The following PPP2R2B variants were observed in gnomAD, a reference collection of about 807,000 sequenced individuals.
PPP2R2B encodes protein phosphatase 2 regulatory subunit Bbeta.
PPP2R2B carries 5 observed loss-of-function variants against 46.0 expected under a neutral mutation model. The ratio of observed to expected loss-of-function variants is 0.11; its 90% CI spans 0.06 to 0.23. PPP2R2B has a LOEUF of 0.23. Among genes scored for constraint, PPP2R2B ranks in the 10% least tolerant of loss-of-function variants. PPP2R2B has a pLI of 1.00. For missense variants in PPP2R2B, 367 were observed against 575.0 expected (o/e 0.64, Z 3.70); for synonymous variants, 215 against 206.7 (o/e 1.04, Z -0.34).
intron 5 of PPP2R2B, among the ~76,000 whole-genome samples, chr5:146,676,387 G>A (rs1376830378): frequency 6.6e-6 from 1 of 151,994 alleles, no homozygotes; most frequent in Non-Finnish European, 1.5e-5. Context: ...CATCTTACTG[G>A]TACCACACAT....
At chr5:146,819,464 C>T (rs902571778) in intron 2 of PPP2R2B, among the ~76,000 whole-genome samples, 1 of 152,164 alleles carries the variant, frequency 6.6e-6, no homozygotes, top group African/African-American at 2.4e-5. Flanking sequence ...TACAACATGG[C>T]ACCTCTCTTT....
intron 2 of PPP2R2B, among the ~76,000 whole-genome samples, chr5:146,724,359 A>G (rs1751712003): frequency 6.6e-6 from 1 of 151,764 alleles, no homozygotes; most frequent in Admixed American, 6.6e-5. Flanking sequence ...CATTTATTTT[A>G]TTAGTGAGCT....
chr5:146,759,225 C>T (rs115150472), intron 2 of PPP2R2B, among the ~76,000 whole-genome samples: 1,525 of 152,254 alleles, frequency 0.01, 5 homozygotes, highest in Non-Finnish European at 0.015. Context: ...GGCTTAAGAA[C>T]CACCAGACTA....
chr5:146,602,765 C>A (rs1038385833), intron 7 of PPP2R2B, among the ~76,000 whole-genome samples: 26 of 152,150 alleles, frequency 1.7e-4, no homozygotes, highest in African/African-American at 6.3e-4. Flanking sequence ...TTAAAAAAAT[C>A]ATTGAAACAG....
rs576063387 is a variant in PPP2R2B, at chr5:147,002,877, G to T, written c.79+52788C>A. Among the ~76,000 whole-genome samples the T allele has an allele frequency of 7.9e-5, 12 of 152,230 alleles. No homozygotes were observed. The South Asian group carries it at 2.5e-3, about 32-fold the overall frequency. On this transcript the variant is annotated intron_variant, in intron 1 of 8. Coordinates refer to the PPP2R2B transcript ENST00000336640. Reference sequence around the variant, plus strand: ...AAACTGCAGGTGGTTTTGTCTTTCAGATGGGAAACACTCAGGTATCAACAG... The same window carrying T: ...AAACTGCAGGTGGTTTTGTCTTTCATATGGGAAACACTCAGGTATCAACAG...
intron 2 of PPP2R2B, among the ~76,000 whole-genome samples, chr5:146,836,498 A>ACC (rs1759290102): frequency 1.3e-5 from 2 of 152,276 alleles, no homozygotes; most frequent in South Asian, 4.1e-4. Flanking sequence ...AGTTGAGCTG[A>ACC]CCCGGCTCAG....
chr5:147,064,944 C>G (rs1757376936), intron 2 of PPP2R2B, among the ~76,000 whole-genome samples: 1 of 152,152 alleles, frequency 6.6e-6, no homozygotes, highest in South Asian at 2.1e-4. Flanking sequence ...GTTTTTCTTG[C>G]TGATTGGAAA....
At chr5:146,828,068 A>G (rs1758690969) in intron 2 of PPP2R2B, among the ~76,000 whole-genome samples, 1 of 152,048 alleles carries the variant, frequency 6.6e-6, no homozygotes, top group Non-Finnish European at 1.5e-5. Context: ...GCTTTCTTTC[A>G]TGGTGGCGTC....
chr5:146,990,259 C>T (rs1374045545), intron 1 of PPP2R2B, among the ~76,000 whole-genome samples: 1 of 151,682 alleles, frequency 6.6e-6, no homozygotes, highest in Non-Finnish European at 1.5e-5. Flanking sequence ...GTGCAAAAGA[C>T]CCTGAATTAC....
chr5:147,054,638 G>A (rs1561602718), intron 1 of PPP2R2B: 4 of 456,104 alleles, frequency 8.8e-6, no homozygotes, highest in Non-Finnish European at 8.8e-6. Context: ...TAAACACACA[G>A]CCCCCAGTCT....
intron 1 of PPP2R2B, among the ~76,000 whole-genome samples, chr5:147,028,709 A>T (rs1464979457): frequency 1.3e-5 from 2 of 152,210 alleles, no homozygotes; most frequent in East Asian, 3.8e-4. Flanking sequence ...TTAGTAGAAC[A>T]GTTGGATTTA....
intron 1 of PPP2R2B, among the ~76,000 whole-genome samples, chr5:146,943,876 C>T (rs549819136): frequency 1.3e-5 from 2 of 152,306 alleles, no homozygotes; most frequent in South Asian, 4.1e-4. Context: ...CACTTGCTCC[C>T]AAAATACGCC....
chr5:146,856,471 G>A lies in PPP2R2B; in HGVS notation c.70+21531C>T, dbSNP rs1437651898. 8 of 1,486,332 alleles carry A rather than the reference G, an allele frequency of 5.4e-6. No homozygotes were observed. In the South Asian group the frequency reaches 9.0e-5, roughly 17 times the overall value. The allele number at this position is 1,486,332 out of a possible 1,614,324, so 92.1% of individuals were successfully genotyped here. On this transcript the variant is annotated intron_variant, in intron 2 of 9. Coordinates refer to ENST00000394411, the MANE Select transcript of PPP2R2B (RefSeq NM_181675.4). ...TTCTATACTGCTACTTTATCAAGAAGAGTAGGTATAAATAATAATACGAAT... is the reference window on the plus strand; with the variant it reads ...TTCTATACTGCTACTTTATCAAGAAAAGTAGGTATAAATAATAATACGAAT...
intron 1 of PPP2R2B, among the ~76,000 whole-genome samples, chr5:146,933,241 AT>A (rs889924379): frequency 3.5e-4 from 53 of 152,036 alleles, no homozygotes; most frequent in Admixed American, 3.3e-3. Flanking sequence ...ATTTCCTAAG[AT>A]TTTTTTTCAA....
intron 5 of PPP2R2B, among the ~76,000 whole-genome samples, chr5:146,683,801 A>G (rs898002259): frequency 6.6e-6 from 1 of 152,210 alleles, no homozygotes; most frequent in African/African-American, 2.4e-5. Flanking sequence ...ACCCCATGAC[A>G]CTGACAGATA....
chr5:146,781,953 T>C (rs1023365470), intron 2 of PPP2R2B, among the ~76,000 whole-genome samples: 2 of 152,166 alleles, frequency 1.3e-5, no homozygotes, highest in African/African-American at 4.8e-5. Flanking sequence ...GATAGGATCA[T>C]GGGGGCAGTT....
chr5:146,927,554 A>T (rs1489017162), intron 1 of PPP2R2B, among the ~76,000 whole-genome samples: 1 of 152,072 alleles, frequency 6.6e-6, no homozygotes, highest in Admixed American at 6.5e-5. Context: ...GCAGGCAAGG[A>T]GTGGTGGATA....
At chr5:146,931,210 G>C (rs1763959480) in intron 1 of PPP2R2B, among the ~76,000 whole-genome samples, 1 of 152,154 alleles carries the variant, frequency 6.6e-6, no homozygotes. Flanking sequence ...ATTGGCAAGT[G>C]GTAATGTGAT....
At chr5:147,072,880 T>C (rs1468341922) in intron 2 of PPP2R2B, among the ~76,000 whole-genome samples, 1 of 152,212 alleles carries the variant, frequency 6.6e-6, no homozygotes, top group East Asian at 1.9e-4. Flanking sequence ...AGCTAATTCC[T>C]GTTTCTACTT....
Sources: allele counts gnomAD v4.1 joint callset (sites outside exome capture counted in the v4.1 genomes callset), GRCh38; gene constraint gnomAD v4.1.1; transcripts MANE v1.5; gene names NCBI Gene and HGNC (gene_info 2026-07-23, HGNC 2026-07-21).